The following RALYL variants were observed in gnomAD, a reference collection of about 807,000 sequenced individuals.
RALYL encodes RALY RNA binding protein like.
Under a neutral mutation model 35.1 loss-of-function variants are expected in RALYL, and 29 were observed. That is an observed-to-expected ratio of 0.83 (90% CI 0.61 to 1.13). The LOEUF (loss-of-function observed/expected upper bound fraction) is 1.13. RALYL is among the 50% of genes most tolerant of loss of function. The pLI, the probability that RALYL is intolerant of heterozygous loss-of-function variation, is 0.00. For synonymous variants in RALYL, 120 were observed against 127.6 expected, an observed-to-expected ratio of 0.94 and a Z score of 0.40; for missense variants, 359 against 360.4, an observed-to-expected ratio of 1.00 and a Z score of 0.03.
chr8:84,283,933 A>G (rs915950227), intron 1 of RALYL, among the ~76,000 whole-genome samples: 8 of 152,022 alleles, frequency 5.3e-5, no homozygotes, highest in African/African-American at 1.9e-4. Flanking sequence ...GGTTATATGT[A>G]TTAAATGGAA....
At chr8:84,835,839 G>A (rs1453293957) in intron 4 of RALYL, among the ~76,000 whole-genome samples, 1 of 151,908 alleles carries the variant, frequency 6.6e-6, no homozygotes, top group African/African-American at 2.4e-5. Context: ...CTCTGCCTGA[G>A]AGCAAGGAGA....
chr8:84,369,326 T>G (rs1403681811), intron 1 of RALYL, among the ~76,000 whole-genome samples: 1 of 151,934 alleles, frequency 6.6e-6, no homozygotes, highest in East Asian at 1.9e-4. Context: ...ATTTATTTAT[T>G]TATTTATTTA....
intron 3 of RALYL, among the ~76,000 whole-genome samples, chr8:84,803,147 T>G (rs1823752376): frequency 6.6e-6 from 1 of 152,158 alleles, no homozygotes; most frequent in Non-Finnish European, 1.5e-5. Flanking sequence ...CATACACTAA[T>G]GTCTGATAAA....
intron 2 of RALYL, among the ~76,000 whole-genome samples, chr8:84,660,001 C>G (rs145036197): frequency 6.6e-6 from 1 of 152,052 alleles, no homozygotes; most frequent in East Asian, 1.9e-4. Flanking sequence ...ACAATGATTA[C>G]CAATAGGGAG....
At chr8:84,563,609 G>A (rs909767542) in intron 2 of RALYL, among the ~76,000 whole-genome samples, 1 of 151,394 alleles carries the variant, frequency 6.6e-6, no homozygotes, top group Non-Finnish European at 1.5e-5. Context: ...ATAGCACAGC[G>A]AACCTAGATC....
intron 2 of RALYL, among the ~76,000 whole-genome samples, chr8:84,752,606 A>G (rs1021397934): frequency 6.6e-6 from 1 of 152,118 alleles, no homozygotes; most frequent in Non-Finnish European, 1.5e-5. Flanking sequence ...ATTTCAAAGT[A>G]CAGGCCCAGG....
intron 7 of RALYL, among the ~76,000 whole-genome samples, chr8:84,876,199 T>C (rs1027367955): frequency 2.6e-5 from 4 of 152,198 alleles, no homozygotes; most frequent in East Asian, 3.8e-4. Context: ...CCAGGTATTA[T>C]GTACTGGGCA....
chr8:84,585,126 A>G (rs1196404265), intron 2 of RALYL, among the ~76,000 whole-genome samples: 3 of 151,838 alleles, frequency 2.0e-5, no homozygotes, highest in Non-Finnish European at 4.4e-5. Context: ...TGTTATGGGT[A>G]TTTTTTTTAA....
intron 1 of RALYL, among the ~76,000 whole-genome samples, chr8:84,281,020 T>A (rs151003697): frequency 9.4e-4 from 143 of 152,288 alleles, no homozygotes; most frequent in African/African-American, 3.2e-3. Context: ...ATCACCAGGA[T>A]AGATGCTTGT....
In RALYL at chr8:84,762,937, T is replaced by A. The variant is rs928981030; in HGVS notation, c.257-11642T>A. On this transcript the variant is annotated intron_variant, in intron 2 of 8. Transcript: ENST00000521268. ...AAAGCTTTATTCTTCTGCTCAGAAT[T>A]CCTAGTATTCTCTTTTCAAAACATC... 4.6e-5 allele frequency among the ~76,000 whole-genome samples: 7 copies of A among 152,196 alleles called. No homozygotes were observed. In the East Asian group the frequency reaches 1.3e-3, roughly 29 times the overall value.
rs369143195 is a variant in RALYL at position 84,772,402 on chromosome 8, G to A, written c.257-2177G>A. On this transcript the variant is annotated intron_variant, in intron 2 of 8. Transcript: ENST00000521268. ...CAGGCATATACATAAAAAATATTGG[G>A]GATTTTATTGGAATTACATGGAATC... 4.6e-5 allele frequency among the ~76,000 whole-genome samples: 7 copies of A among 151,848 alleles called. No individual in the cohort carries two copies. The East Asian group carries it at 7.7e-4, about 17-fold the overall frequency.
At chr8:84,578,333 T>C (rs2135927620) in intron 2 of RALYL, among the ~76,000 whole-genome samples, 1 of 152,162 alleles carries the variant, frequency 6.6e-6, no homozygotes, top group Non-Finnish European at 1.5e-5. Context: ...ACCACAGAGC[T>C]CCAAAGAGGG....
At chr8:84,672,371 T>G (rs1406333800) in intron 2 of RALYL, among the ~76,000 whole-genome samples, 1 of 152,146 alleles carries the variant, frequency 6.6e-6, no homozygotes, top group Non-Finnish European at 1.5e-5. Context: ...CCTTCCAAGT[T>G]TTTAGGAAGT....
At chr8:84,272,592 G>C (rs1834544722) in intron 1 of RALYL, among the ~76,000 whole-genome samples, 1 of 152,092 alleles carries the variant, frequency 6.6e-6, no homozygotes, top group Non-Finnish European at 1.5e-5. Context: ...ACATGGGCCA[G>C]GATACTAGCA....
chr8:84,514,607 A>T (rs192192811), intron 1 of RALYL, among the ~76,000 whole-genome samples: 238 of 152,322 alleles, frequency 1.6e-3, no homozygotes, highest in Non-Finnish European at 2.6e-3. Flanking sequence ...CACTAATTCC[A>T]TTCATGAGAG....
chr8:84,312,629 T>C (rs1843021685), intron 1 of RALYL, among the ~76,000 whole-genome samples: 1 of 152,168 alleles, frequency 6.6e-6, no homozygotes, highest in Non-Finnish European at 1.5e-5. Context: ...ATCTTAAAGC[T>C]CTGAAATGAT....
intron 2 of RALYL, among the ~76,000 whole-genome samples, chr8:84,639,982 C>T (rs1825973591): frequency 6.6e-6 from 1 of 151,926 alleles, no homozygotes; most frequent in African/African-American, 2.4e-5. Flanking sequence ...ATAGTTTGTT[C>T]AGCTGTTTAG....
intron 2 of RALYL, among the ~76,000 whole-genome samples, chr8:84,559,566 ATTTAG>A (rs1020814335): frequency 2.6e-5 from 4 of 152,060 alleles, no homozygotes; most frequent in African/African-American, 4.8e-5. Context: ...ATGATTGTGA[ATTTAG>A]TTTGGTAGGT....
At chr8:84,679,904 G>T (rs915032691) in intron 2 of RALYL, 5 of 336,210 alleles carry the variant, frequency 1.5e-5, no homozygotes, top group Non-Finnish European at 2.3e-5. Context: ...ACAACGTGCA[G>T]GTTTGTTACA....
Sources: gnomAD v4.1 joint callset for allele counts (sites outside exome capture counted in the v4.1 genomes callset) on GRCh38, gnomAD v4.1.1 for gene constraint, MANE v1.5 for transcripts, NCBI Gene and HGNC (gene_info 2026-07-23, HGNC 2026-07-21) for gene names.